REXO1: variants seen among roughly 807,000 people sequenced by gnomAD.
REXO1 encodes the protein RNA exonuclease 1 homolog.
Under a neutral mutation model 102.6 loss-of-function variants are expected in REXO1, and 42 were observed. The observed-to-expected ratio is 0.41, with a 90% CI of 0.32 to 0.53. The LOEUF (loss-of-function observed/expected upper bound fraction) is 0.53. REXO1 is among the 20% of genes least tolerant of loss of function. The pLI is 0.27. For missense variants in REXO1, 1,819 were observed against 1,732.5 expected (o/e 1.05, Z -0.89); for synonymous variants, 908 against 779.1 (o/e 1.17, Z -2.76).
At chr19:1,842,213 C>CA (rs566792887) in intron 1 of REXO1, among the ~76,000 whole-genome samples, 1,920 of 76,210 alleles carry the variant, frequency 0.025, 28 homozygotes, top group African/African-American at 0.063. Flanking sequence ...GATTCCGTTG[C>CA]AAAAAAAAAA....
chr19:1,836,502 G>A (rs1235218496), intron 1 of REXO1, among the ~76,000 whole-genome samples: 2 of 152,054 alleles, frequency 1.3e-5, no homozygotes, highest in Admixed American at 6.6e-5. Context: ...TCCCAGCACT[G>A]TAGGAGGCCG....
At chr19:1,818,912 G>T in intron 8 of REXO1, 69 bp from the exon 9 acceptor site, 1 of 1,586,750 alleles carries the variant, frequency 6.3e-7, no homozygotes, top group Middle Eastern at 1.8e-4. Context: ...CACCGGGAAA[G>T]GCGGCTGGGC....
In REXO1 at chr19:1,828,389, C is replaced by T. The variant is rs778639709; in HGVS notation, c.400G>A (p.Ala134Thr). ...APALAPRGPN[A>T]SPTVGPDEDA... ...TCGTCCGGGCCCACAGTGGGGCTGG[C>T]GTTGGGGCCGCGGGGCGCCAGGGCG... Residue 134 changes from alanine to threonine, a missense_variant, in exon 2 of 16, where the codon GCC (alanine) becomes ACC (threonine). Physicochemically the swap from Ala to Thr is moderately conservative, Grantham distance 58. Coordinates refer to ENST00000170168, the MANE Select transcript of REXO1 (RefSeq NM_020695.4). 51 of 1,607,476 alleles carry T rather than the reference C, an allele frequency of 3.2e-5. No individual in the cohort carries two copies. The East Asian group carries it at 8.5e-4, about 27-fold the overall frequency.
Position 1,821,431 on chromosome 19 carries a change from C to T in REXO1, c.2394+88G>A, listed in dbSNP as rs373391753. ...AGCACGAAGGCCCGCAGGGCAGGGG[C>T]GAGGCTGGCCCTCCGCAGGTCCCAT... On this transcript the variant is annotated intron_variant, in intron 5 of 15. Transcript: ENST00000170168. The T allele has an allele frequency of 4.2e-5, 64 of 1,517,400 alleles. No individual in the cohort carries two copies. In the East Asian group the frequency reaches 4.5e-4, roughly 11 times the overall value. 94.0% of individuals were successfully genotyped at this position (1,517,400 alleles called of 1,614,324 possible). A position where few individuals can be genotyped will look rare whatever the true frequency, so the allele number is the denominator to read the frequency against.
chr19:1,832,248 C>T (rs1448188164), intron 1 of REXO1, among the ~76,000 whole-genome samples: 1 of 152,172 alleles, frequency 6.6e-6, no homozygotes, highest in African/African-American at 2.4e-5. Context: ...CGGAAGCCTT[C>T]GGGAGGCCCA....
intron 4 of REXO1, chr19:1,822,039 C>G: frequency 2.0e-6 from 1 of 507,020 alleles, no homozygotes; most frequent in Non-Finnish European, 3.4e-6. Context: ...CCCCCACCTG[C>G]TCATTGGCTT....
chr19:1,815,885 G>T lies in REXO1; in HGVS notation c.*181C>A. The T allele has an allele frequency of 6.5e-7, 1 of 1,527,764 alleles. No individual in the cohort carries two copies. 94.6% of individuals were successfully genotyped at this position (1,527,764 alleles called of 1,614,324 possible). A position where few individuals can be genotyped will look rare whatever the true frequency, so the allele number is the denominator to read the frequency against. ...AGGGTGGGGACCGGCGGAGGGGTGC[G>T]GCAGGACGTGAGCGGGGGTGGGCTG... is the stretch of plus-strand genomic sequence containing the variant. On this transcript the variant is annotated 3_prime_UTR_variant, in exon 16 of 16. Coordinates refer to ENST00000170168, the MANE Select transcript of REXO1 (RefSeq NM_020695.4). This position sits in a 1 kb window ranked among gnomAD's most constrained non-coding sequence, Gnocchi z 4.0.
intron 5 of REXO1, among the ~76,000 whole-genome samples, chr19:1,820,665 A>G (rs1030042732): frequency 6.6e-6 from 1 of 152,226 alleles, no homozygotes; most frequent in Non-Finnish European, 1.5e-5. Flanking sequence ...CTAGAAACCT[A>G]AAGTTGCTCA....
At chr19:1,833,184 C>T (rs572151650) in intron 1 of REXO1, among the ~76,000 whole-genome samples, 3 of 152,266 alleles carry the variant, frequency 2.0e-5, no homozygotes, top group South Asian at 2.1e-4. Context: ...GTGATCACAC[C>T]ACCGCATTCC....
At chr19:1,837,987 A>C (rs2070090054) in intron 1 of REXO1, among the ~76,000 whole-genome samples, 1 of 152,208 alleles carries the variant, frequency 6.6e-6, no homozygotes, top group Non-Finnish European at 1.5e-5. Flanking sequence ...GACGGTAACC[A>C]GGACAGAGGT....
At position 1,827,015 on chromosome 19, in the gene REXO1, T is replaced by G; in HGVS notation, c.1774A>C (p.Ser592Arg). The change falls in exon 2 of 16, where the codon AGC becomes CGC. Residue 592 changes from serine (S) to arginine (R), a missense_variant. Coordinates refer to ENST00000170168, the MANE Select transcript of REXO1 (RefSeq NM_020695.4). ...GAGTAGTCCACATCCGCCCCCGCGC[T>G]GGAGGTGGAGGAGGAGGAGGAGGAG... is the stretch of plus-strand genomic sequence containing the variant. Reference protein sequence around the residue: ...SSSSSSSSTSSAGADVDYSAL... With the variant: ...SSSSSSSSTSRAGADVDYSAL... 1.5e-6 allele frequency: 2 copies of G among 1,372,516 alleles called. No homozygotes were observed. Among genetic ancestry groups the G allele is most frequent in the Non-Finnish European group, 1.9e-6 (2 of 1,036,856 alleles). The allele number at this position is 1,372,516 out of a possible 1,614,324, so 85.0% of individuals were successfully genotyped here.
intron 1 of REXO1, among the ~76,000 whole-genome samples, chr19:1,830,324 G>T (rs187359253): frequency 6.6e-6 from 1 of 152,172 alleles, no homozygotes. Context: ...CAGCCTGGAT[G>T]ACACAGATCC....
intron 3 of REXO1, among the ~76,000 whole-genome samples, chr19:1,825,192 C>T (rs1285187031): frequency 6.7e-6 from 1 of 148,518 alleles, no homozygotes; most frequent in Non-Finnish European, 1.5e-5. Context: ...CCCAGGTACT[C>T]GGGAGGCTGA....
intron 7 of REXO1, among the ~76,000 whole-genome samples, chr19:1,819,727 G>A (rs895726989): frequency 3.7e-4 from 57 of 152,330 alleles, no homozygotes; most frequent in Middle Eastern, 3.4e-3. Flanking sequence ...GGAGGAAGGC[G>A]GCTGACAGCG....
rs1367923228 is a variant in REXO1, at chr19:1,825,690, G to C, written c.2016+149C>G. 3 of 594,150 alleles carry C rather than the reference G, an allele frequency of 5.0e-6. No homozygotes were observed. In the African/African-American group the frequency reaches 5.6e-5, roughly 11 times the overall value. 36.8% of individuals were successfully genotyped at this position (594,150 alleles called of 1,614,324 possible). Reference sequence around the variant, plus strand: ...GGGGTTTTGCCATGCTGGCCAGGCTGGTCTCGAACTCCTGGCCTCAGGTGA... The same window carrying C: ...GGGGTTTTGCCATGCTGGCCAGGCTCGTCTCGAACTCCTGGCCTCAGGTGA... On this transcript the variant is annotated intron_variant, in intron 3 of 15. Transcript: ENST00000170168.
rs894626069 is a variant in REXO1 at position 1,827,010 on chromosome 19, C to T, written c.1779G>A (p.Ala593=). 23 of 1,539,618 alleles carry T rather than the reference C, an allele frequency of 1.5e-5. 1 individual carries two copies. Among genetic ancestry groups the T allele is most frequent in the Admixed American group, 3.9e-5 (2 of 50,712 alleles). The part of the protein sequence containing the change: ...SSSSSSSTSS[A]GADVDYSALE... Reference sequence around the variant, plus strand: ...GGGCCGAGTAGTCCACATCCGCCCCCGCGCTGGAGGTGGAGGAGGAGGAGG... The same window carrying T: ...GGGCCGAGTAGTCCACATCCGCCCCTGCGCTGGAGGTGGAGGAGGAGGAGG... Residue 593 remains alanine (A), a synonymous_variant, in exon 2 of 16, where the codon GCG becomes GCA. Coordinates refer to ENST00000170168, the MANE Select transcript of REXO1 (RefSeq NM_020695.4).
At chr19:1,831,297 G>A (rs1418676863) in intron 1 of REXO1, among the ~76,000 whole-genome samples, 4 of 152,236 alleles carry the variant, frequency 2.6e-5, no homozygotes, top group Non-Finnish European at 5.9e-5. Flanking sequence ...GACTGAACGT[G>A]CAGCTTGTCT....
At chr19:1,824,028 T>G (rs963322093) in intron 3 of REXO1, 2 of 389,190 alleles carry the variant, frequency 5.1e-6, no homozygotes, top group Non-Finnish European at 9.1e-6. Flanking sequence ...TCCTCAGCCC[T>G]GATAAGGCAC....
At chr19:1,840,980 CCAG>C (rs1568717399) in intron 1 of REXO1, among the ~76,000 whole-genome samples, 1 of 152,260 alleles carries the variant, frequency 6.6e-6, no homozygotes, top group Admixed American at 6.5e-5. Flanking sequence ...ACCCCGGGCT[CCAG>C]GCACGCAGCC....
Sources: allele counts gnomAD v4.1 joint callset (sites outside exome capture counted in the v4.1 genomes callset), GRCh38; gene constraint gnomAD v4.1.1; non-coding constraint Gnocchi (gnomAD v3.1); transcripts MANE v1.5; gene names NCBI Gene and HGNC (gene_info 2026-07-23, HGNC 2026-07-21).